Variants in ATP8A2 observed in about 807,000 individuals in gnomAD.
ATP8A2 encodes the protein phospholipid-transporting ATPase IB.
Under a neutral mutation model 165.6 loss-of-function variants are expected in ATP8A2, and 100 were observed. That is an observed-to-expected ratio of 0.60 (90% CI 0.51 to 0.71). ATP8A2 has a LOEUF of 0.71. Ranked by LOEUF, ATP8A2 falls within the 30% of genes least tolerant of loss-of-function variation. The pLI is 0.00. For missense variants in ATP8A2, 1,227 were observed against 1,479.5 expected (o/e 0.83, Z 2.80); for synonymous variants, 543 against 548.8 (o/e 0.99, Z 0.15).
intron 35 of ATP8A2, among the ~76,000 whole-genome samples, chr13:26,009,649 G>A (rs1000261134): frequency 3.3e-5 from 5 of 152,178 alleles, no homozygotes; most frequent in African/African-American, 1.2e-4. Flanking sequence ...CTGAGGTGGT[G>A]GATGGCAGGC....
intron 23 of ATP8A2, 107 bp from the exon 24 acceptor site, chr13:25,589,528 T>C: frequency 1.3e-6 from 1 of 756,000 alleles, no homozygotes; most frequent in Non-Finnish European, 2.3e-6. Context: ...CCTATTCCTC[T>C]GTGTGAGCCA....
At chr13:25,895,096 C>T (rs1953492686) in intron 33 of ATP8A2, among the ~76,000 whole-genome samples, 1 of 152,186 alleles carries the variant, frequency 6.6e-6, no homozygotes, top group African/African-American at 2.4e-5. Context: ...TGAGAGAGGG[C>T]ATCCCTGTCT....
rs145041667 is a variant in ATP8A2 at position 25,435,822 on chromosome 13, A to G, written c.77-33155A>G. The stretch of plus-strand genomic sequence containing the variant: ...TAATTTTAGAAGCAATCATGGAACA[A>G]GAATCTTATTTATGCTTCCCCTAAA... On this transcript the variant is annotated intron_variant, in intron 1 of 36. Coordinates refer to ENST00000381655, the MANE Select transcript of ATP8A2 (RefSeq NM_016529.6). Among the ~76,000 whole-genome samples, 88 of 152,310 alleles carry G rather than the reference A, an allele frequency of 5.8e-4. 1 individual carries two copies. Among genetic ancestry groups the G allele is most frequent in the African/African-American group, 2.1e-3 (87 of 41,566 alleles).
intron 2 of ATP8A2, among the ~76,000 whole-genome samples, chr13:25,519,935 G>T (rs192675249): frequency 1.3e-5 from 2 of 152,206 alleles, no homozygotes; most frequent in East Asian, 3.9e-4. Context: ...CATAATAGTT[G>T]TATTAACACA....
At chr13:25,447,476 A>T (rs2035101143) in intron 1 of ATP8A2, among the ~76,000 whole-genome samples, 1 of 152,154 alleles carries the variant, frequency 6.6e-6, no homozygotes, top group South Asian at 2.1e-4. Context: ...TGCCATGCTG[A>T]AGCCCCTTGT....
chr13:25,665,989 CTT>C, intron 24 of ATP8A2, among the ~76,000 whole-genome samples: 1 of 150,778 alleles, frequency 6.6e-6, no homozygotes, highest in East Asian at 1.9e-4. Flanking sequence ...TGCTGTTTCT[CTT>C]TTTTAGTTTC....
intron 32 of ATP8A2, 98 bp from the exon 33 acceptor site, chr13:25,862,203 A>G: frequency 2.6e-6 from 2 of 774,734 alleles, no homozygotes; most frequent in Non-Finnish European, 4.5e-6. Flanking sequence ...TCCATAAGGA[A>G]AGGTAGCTTG....
chr13:25,931,538 G>A (rs988578157), intron 33 of ATP8A2, among the ~76,000 whole-genome samples: 1 of 152,138 alleles, frequency 6.6e-6, no homozygotes, highest in Non-Finnish European at 1.5e-5. Context: ...CTCGACTGAC[G>A]AGTGCAGAAC....
At chr13:25,628,343 TC>T (rs1246877364) in intron 24 of ATP8A2, among the ~76,000 whole-genome samples, 1 of 152,214 alleles carries the variant, frequency 6.6e-6, no homozygotes, top group Non-Finnish European at 1.5e-5. Flanking sequence ...TGTTAATTAA[TC>T]CTGCTGTATG....
In ATP8A2 at chr13:25,860,876, A is replaced by C. The variant is rs1243698897; in HGVS notation, c.3075+16A>C. Reference sequence around the variant, plus strand: ...TTGGACTAAAGTAAGTTTTCTCTAGAATTGTTTCTCTGTTCAGTATAGATA... The same window carrying C: ...TTGGACTAAAGTAAGTTTTCTCTAGCATTGTTTCTCTGTTCAGTATAGATA... On this transcript the variant is annotated intron_variant, in intron 32 of 36. Transcript: ENST00000381655. 1 of 1,555,782 alleles carries C rather than the reference A, an allele frequency of 6.4e-7. No homozygotes were observed. Among genetic ancestry groups the C allele is most frequent in the African/African-American group, 1.4e-5 (1 of 73,982 alleles).
intron 35 of ATP8A2, among the ~76,000 whole-genome samples, chr13:25,991,126 A>G (rs12868119): frequency 1.7e-3 from 264 of 152,300 alleles, no homozygotes; most frequent in Non-Finnish European, 3.1e-3. Flanking sequence ...CAGGAGATAC[A>G]GGAGGAAGTC....
intron 25 of ATP8A2, among the ~76,000 whole-genome samples, chr13:25,757,669 G>T (rs1047294883): frequency 6.6e-6 from 1 of 152,110 alleles, no homozygotes; most frequent in African/African-American, 2.4e-5. Context: ...TAAGGCACAG[G>T]CATGATATTT....
intron 25 of ATP8A2, among the ~76,000 whole-genome samples, chr13:25,714,123 A>AAAGGAAGGAAGGAAGGAAGG (rs71808617): frequency 6.6e-6 from 1 of 151,348 alleles, no homozygotes; most frequent in Non-Finnish European, 1.5e-5. Context: ...TAAAAGAAAG[A>AAAGGAAGGAAGGAAGGAAGG]AAGGAAGGAA....
chr13:25,947,663 C>T (rs1416754278), intron 33 of ATP8A2, among the ~76,000 whole-genome samples: 1 of 152,168 alleles, frequency 6.6e-6, no homozygotes, highest in African/African-American at 2.4e-5. Context: ...CACTCCTTCC[C>T]CATCCCTGTG....
chr13:25,995,404 G>A (rs965373019), intron 35 of ATP8A2, among the ~76,000 whole-genome samples: 15 of 151,054 alleles, frequency 9.9e-5, no homozygotes, highest in African/African-American at 2.9e-4. Context: ...GTGAGAACTT[G>A]GAATTCTTTA....
intron 1 of ATP8A2, among the ~76,000 whole-genome samples, chr13:25,458,007 G>T (rs1253831135): frequency 1.3e-5 from 2 of 152,206 alleles, no homozygotes; most frequent in African/African-American, 2.4e-5. Flanking sequence ...ACCAGTGATT[G>T]TAAGCAAACA....
chr13:25,917,158 G>A (rs971384002), intron 33 of ATP8A2, among the ~76,000 whole-genome samples: 5 of 152,160 alleles, frequency 3.3e-5, no homozygotes, highest in Non-Finnish European at 5.9e-5. Context: ...TAGAGTCTTT[G>A]TCTTTGAAGT....
At position 25,559,619 on chromosome 13, in the gene ATP8A2, G is replaced by A. The variant is rs933293941; in HGVS notation, c.1353-102G>A. The A allele has an allele frequency of 1.8e-5, 16 of 875,632 alleles. No individual in the cohort carries two copies. In the African/African-American group the frequency reaches 2.5e-4, roughly 14 times the overall value. The allele number at this position is 875,632 out of a possible 1,614,324, so 54.2% of individuals were successfully genotyped here. ...CTTGGTAAGAAGTCCCTGAGAATCT[G>A]TAAGTTTGTATATCTAATCTAAGAA... On this transcript the variant is annotated intron_variant, in intron 14 of 36. Coordinates refer to ENST00000381655, the MANE Select transcript of ATP8A2 (RefSeq NM_016529.6).
chr13:25,694,029 TA>T (rs2042784090), intron 24 of ATP8A2, among the ~76,000 whole-genome samples: 1 of 152,220 alleles, frequency 6.6e-6, no homozygotes, highest in Non-Finnish European at 1.5e-5. Flanking sequence ...CACGCACATC[TA>T]ATTTTTTTGT....
Sources: gnomAD v4.1 joint callset for allele counts (sites outside exome capture counted in the v4.1 genomes callset) on GRCh38, gnomAD v4.1.1 for gene constraint, MANE v1.5 for transcripts, NCBI Gene and HGNC (gene_info 2026-07-23, HGNC 2026-07-21) for gene names.